The following KDSR variants were observed in gnomAD, a reference collection of about 807,000 sequenced individuals.
KDSR encodes the protein 3-ketodihydrosphingosine reductase, also known as 3-dehydrosphinganine reductase.
Under a neutral mutation model 41.3 loss-of-function variants are expected in KDSR, and 23 were observed. That is an observed-to-expected ratio of 0.56 (90% CI 0.40 to 0.79). The LOEUF (loss-of-function observed/expected upper bound fraction) is 0.79, where lower values mean the gene tolerates loss of function less well. Ranked by LOEUF, KDSR falls within the 30% of genes least tolerant of loss-of-function variation. The probability of loss-of-function intolerance (pLI) is 0.00; values close to 1 mark genes in which losing one functional copy is unlikely to be tolerated. For synonymous variants in KDSR, 138 were observed against 151.7 expected, an observed-to-expected ratio of 0.91 and a Z score of 0.66; for missense variants, 351 against 416.8, an observed-to-expected ratio of 0.84 and a Z score of 1.37.
intron 1 of KDSR, chr18:63,365,895 A>G (rs1915121050): frequency 6.6e-6 from 1 of 152,254 alleles, no homozygotes. Flanking sequence ...CAAAGGAGAA[A>G]TTAAACAGAT....
In KDSR at chr18:63,329,991, A is replaced by G. The variant is rs1056011790; in HGVS notation, c.*1791T>C. 1.1e-5 allele frequency: 2 copies of G among 188,494 alleles called. No individual in the cohort carries two copies. The highest frequency in any genetic ancestry group is 2.2e-5 in the Non-Finnish European group (2 of 89,458). 11.7% of individuals were successfully genotyped at this position (188,494 alleles called of 1,614,324 possible). A position where few individuals can be genotyped will look rare whatever the true frequency, so the allele number is the denominator to read the frequency against. ...ACCATTCTGGCATCAACCCATCCTT[A>G]CAAGCTGCAATGAAATCATTCCAAG... On this transcript the variant is annotated 3_prime_UTR_variant, in exon 10 of 10. Transcript: ENST00000645214.
intron 8 of KDSR, among the ~76,000 whole-genome samples, chr18:63,337,941 CAAACA>C (rs1914228416): frequency 6.6e-6 from 1 of 152,056 alleles, no homozygotes; most frequent in Non-Finnish European, 1.5e-5. Flanking sequence ...AACAAACAAA[CAAACA>C]AAACAACAAC....
chr18:63,335,165 T>A lies in KDSR; in HGVS notation c.879+92A>T, dbSNP rs995858201. ...ACATTGTCAAATAAAGTTACTTAGTTTTCCCTTAACCTCTTCTCATCAAGG... is the reference window on the plus strand; with the variant it reads ...ACATTGTCAAATAAAGTTACTTAGTATTCCCTTAACCTCTTCTCATCAAGG... On this transcript the variant is annotated intron_variant, in intron 9 of 9. Coordinates refer to ENST00000645214, the MANE Select transcript of KDSR (RefSeq NM_002035.4). 8 of 758,314 alleles carry A rather than the reference T, an allele frequency of 1.1e-5. No individual in the cohort carries two copies. In the African/African-American group the frequency reaches 1.4e-4, roughly 13 times the overall value. 47.0% of individuals were successfully genotyped at this position (758,314 alleles called of 1,614,324 possible). A position where few individuals can be genotyped will look rare whatever the true frequency, so the allele number is the denominator to read the frequency against.
intron 6 of KDSR, 31 bp from the exon 7 acceptor site, chr18:63,344,524 G>A: frequency 6.5e-7 from 1 of 1,528,286 alleles, no homozygotes; most frequent in South Asian, 1.1e-5. Context: ...TGTACCTTCA[G>A]TAAACAAGAC....
At chr18:63,350,847 G>A (rs1914640603) in intron 6 of KDSR, 41 bp downstream of exon 6, 1 of 1,414,646 alleles carries the variant, frequency 7.1e-7, no homozygotes, top group Admixed American at 1.8e-5. Flanking sequence ...GTATATTGCT[G>A]AGCGGAGAGG....
At chr18:63,356,044 A>C (rs1914784519) in intron 3 of KDSR, among the ~76,000 whole-genome samples, 1 of 152,214 alleles carries the variant, frequency 6.6e-6, no homozygotes, top group Admixed American at 6.5e-5. Context: ...CCTTGGTTGT[A>C]ATGTATACCT....
At chr18:63,341,671 T>C (rs1914343068) in intron 7 of KDSR, among the ~76,000 whole-genome samples, 1 of 152,040 alleles carries the variant, frequency 6.6e-6, no homozygotes, top group South Asian at 2.1e-4. Context: ...AATGAGAAGA[T>C]TTCATGCCAA....
At chr18:63,361,017 A>ATATATATATAT (rs761703297) in intron 2 of KDSR, among the ~76,000 whole-genome samples, 1 of 106,900 alleles carries the variant, frequency 9.4e-6, no homozygotes, top group East Asian at 3.4e-4. Flanking sequence ...TATATATATA[A>ATATATATATAT]AATATATAAT....
chr18:63,361,363 C>T (rs116085660), intron 2 of KDSR, among the ~76,000 whole-genome samples: 2,945 of 151,840 alleles, frequency 0.019, 112 homozygotes, highest in African/African-American at 0.067. Context: ...TATTTACTTG[C>T]ATCAAAACTG....
In KDSR at chr18:63,331,682, A is replaced by G; in HGVS notation, c.*100T>C. 1 of 1,205,718 alleles carries G rather than the reference A, an allele frequency of 8.3e-7. No individual in the cohort carries two copies. The highest frequency in any genetic ancestry group is 2.3e-5 in the East Asian group (1 of 42,656). 74.7% of individuals were successfully genotyped at this position (1,205,718 alleles called of 1,614,324 possible). A position where few individuals can be genotyped will look rare whatever the true frequency, so the allele number is the denominator to read the frequency against. On this transcript the variant is annotated 3_prime_UTR_variant, in exon 10 of 10. Coordinates refer to ENST00000645214, the MANE Select transcript of KDSR (RefSeq NM_002035.4). ...GCACTGGTCCAATCTGACGTATTCG[A>G]AAACAATACATAAGTGTCTATAGGC... is the stretch of plus-strand genomic sequence containing the variant.
intron 8 of KDSR, among the ~76,000 whole-genome samples, chr18:63,337,947 A>AAACAAC (rs537299823): frequency 9.6e-4 from 146 of 152,256 alleles, no homozygotes; most frequent in Non-Finnish European, 1.7e-3. Flanking sequence ...CAAACAAACA[A>AAACAAC]AACAACAACA....
chr18:63,335,260 C>T lies in KDSR; in HGVS notation c.876G>A (p.Gln292=), dbSNP rs1180535005. 6 of 1,609,290 alleles carry T rather than the reference C, an allele frequency of 3.7e-6. No homozygotes were observed. In the Admixed American group the frequency reaches 1.0e-4, roughly 27 times the overall value. The change falls in exon 9 of 10, where the codon CAG becomes CAA. Residue 292 remains glutamine (Q), a synonymous_variant. Transcript: ENST00000645214. ...APVTSITEGL[Q]QVVTMGLFRT... ...TGCTAGCCTAGGCAGAGCTTACCTG[C>T]TGGAGCCCCTCAGTAATAGAAGTTA...
chr18:63,364,151 T>A (rs1393625059), intron 1 of KDSR, among the ~76,000 whole-genome samples: 2 of 152,150 alleles, frequency 1.3e-5, no homozygotes, highest in Non-Finnish European at 2.9e-5. Context: ...TACTCGCCCA[T>A]CAAATCTCAG....
At chr18:63,334,066 G>A (rs1408666759) in intron 9 of KDSR, among the ~76,000 whole-genome samples, 1 of 152,216 alleles carries the variant, frequency 6.6e-6, no homozygotes, top group Non-Finnish European at 1.5e-5. Context: ...CTGGCTGTTA[G>A]GGGTACAACG....
intron 7 of KDSR, among the ~76,000 whole-genome samples, chr18:63,340,476 GAA>G (rs983643610): frequency 2.0e-4 from 31 of 152,066 alleles, no homozygotes; most frequent in Non-Finnish European, 2.9e-5. Context: ...GTATAAAAGA[GAA>G]AAAAATATAT....
rs556889181 is a variant in KDSR at position 63,350,290 on chromosome 18, T to A, written c.609+598A>T. 2.6e-5 allele frequency among the ~76,000 whole-genome samples: 4 copies of A among 152,326 alleles called. 1 individual carries two copies. The South Asian group carries it at 8.3e-4, about 32-fold the overall frequency. On this transcript the variant is annotated intron_variant, in intron 6 of 9. Coordinates refer to ENST00000645214, the MANE Select transcript of KDSR (RefSeq NM_002035.4). ...TATTTTGATGCAAATCCTAACTACA[T>A]CCTTCTTCCACAAAATGTTCCATTA...
chr18:63,354,025 C>T (rs1914728875), intron 5 of KDSR, among the ~76,000 whole-genome samples: 1 of 152,108 alleles, frequency 6.6e-6, no homozygotes, highest in African/African-American at 2.4e-5. Context: ...AAAAAAAAGG[C>T]AGTTAGATCT....
intron 1 of KDSR, chr18:63,366,775 G>A: frequency 2.6e-6 from 1 of 379,426 alleles, no homozygotes; most frequent in Middle Eastern, 6.6e-4. Context: ...GGGGTCCCCC[G>A]TCGCACGCTC....
Position 63,367,193 on chromosome 18 carries a change from G to T in KDSR, c.-75C>A. 2 of 735,284 alleles carry T rather than the reference G, an allele frequency of 2.7e-6. No individual in the cohort carries two copies. Among genetic ancestry groups the T allele is most frequent in the Non-Finnish European group, 3.7e-6 (2 of 534,540 alleles). The allele number at this position is 735,284 out of a possible 1,614,324, so 45.5% of individuals were successfully genotyped here. ...AAGGCGCGCAGGGCTGGGCTGCGGCGAGGCGAGAATCACGCGCGGCGGGCG... is the reference window on the plus strand; with the variant it reads ...AAGGCGCGCAGGGCTGGGCTGCGGCTAGGCGAGAATCACGCGCGGCGGGCG... On this transcript the variant is annotated 5_prime_UTR_variant, in exon 1 of 10. Transcript: ENST00000645214.
Sources: gnomAD v4.1 joint callset for allele counts (sites outside exome capture counted in the v4.1 genomes callset) on GRCh38, gnomAD v4.1.1 for gene constraint, MANE v1.5 for transcripts, NCBI Gene and HGNC (gene_info 2026-07-23, HGNC 2026-07-21) for gene names.